MBD5: variants seen among roughly 807,000 people sequenced by gnomAD.
The protein encoded by MBD5 is methyl-CpG binding domain protein 5.
MBD5 carries 13 observed loss-of-function variants against 117.3 expected under a neutral mutation model. The observed-to-expected ratio is 0.11, with a 90% confidence interval of 0.07 to 0.18. The LOEUF is 0.18. Among genes scored for constraint, MBD5 ranks in the 10% least tolerant of loss-of-function variants. The probability of loss-of-function intolerance (pLI) is 1.00; values close to 1 mark genes in which losing one functional copy is unlikely to be tolerated. For synonymous variants in MBD5, 727 were observed against 766.4 expected, an observed-to-expected ratio of 0.95 and a Z score of 0.85; for missense variants, 1,879 against 2,093.8, an observed-to-expected ratio of 0.90 and a Z score of 2.00.
intron 1 of MBD5, among the ~76,000 whole-genome samples, chr2:148,103,835 A>G (rs983474393): frequency 3.3e-5 from 5 of 152,198 alleles, no homozygotes; most frequent in Non-Finnish European, 5.9e-5. Context: ...ATTTAAAAAT[A>G]TTATATAATT....
chr2:148,474,869 A>T (rs780035418), intron 8 of MBD5, among the ~76,000 whole-genome samples: 3 of 152,178 alleles, frequency 2.0e-5, no homozygotes, highest in African/African-American at 4.8e-5. Context: ...CTACAAAGTA[A>T]TGAGTTTGGT....
intron 2 of MBD5, among the ~76,000 whole-genome samples, chr2:148,194,980 A>T (rs1362420962): frequency 6.6e-6 from 1 of 152,194 alleles, no homozygotes; most frequent in East Asian, 1.9e-4. Flanking sequence ...AAAAGGACAC[A>T]TTATAACTAT....
chr2:148,231,155 C>T (rs908755332), intron 2 of MBD5, among the ~76,000 whole-genome samples: 3 of 149,724 alleles, frequency 2.0e-5, no homozygotes, highest in Non-Finnish European at 4.5e-5. Flanking sequence ...GCCTAGCCTG[C>T]CTTTCCAGTT....
chr2:148,347,859 C>G (rs1318393176), intron 4 of MBD5, among the ~76,000 whole-genome samples: 1 of 151,756 alleles, frequency 6.6e-6, no homozygotes, highest in African/African-American at 2.4e-5. Flanking sequence ...ACCTAGGGCC[C>G]ATAAAAATGA....
In MBD5 at chr2:148,182,556, G is replaced by A. The variant is rs1033246542; in HGVS notation, c.-831+3763G>A. Among the ~76,000 whole-genome samples, 8 of 152,296 alleles carry A rather than the reference G, an allele frequency of 5.3e-5. No homozygotes were observed. In the South Asian group the frequency reaches 1.5e-3, roughly 28 times the overall value. On this transcript the variant is annotated intron_variant, in intron 2 of 13. Coordinates refer to ENST00000642680, the MANE Select transcript of MBD5 (RefSeq NM_001378120.1). ...ACACTAGCCTTCTAAAATGAGATGT[G>A]CATGTTTGCTCCTTTTAAGAAAGGA...
chr2:148,255,189 C>T (rs1241238069), intron 3 of MBD5, among the ~76,000 whole-genome samples: 1 of 152,196 alleles, frequency 6.6e-6, no homozygotes. Context: ...GTCCCTCAGG[C>T]AACATAGAAG....
chr2:148,410,411 G>A lies in MBD5; in HGVS notation c.-556-47792G>A, dbSNP rs149398231. Among the ~76,000 whole-genome samples the A allele has an allele frequency of 2.6e-5, 4 of 152,106 alleles. No individual in the cohort carries two copies. In the East Asian group the frequency reaches 7.7e-4, roughly 29 times the overall value. On this transcript the variant is annotated intron_variant, in intron 4 of 13. Coordinates refer to ENST00000642680, the MANE Select transcript of MBD5 (RefSeq NM_001378120.1). ...ATCTTTTTCTTATTGGTTTGTAGGT[G>A]TTCTTTATACATTCTGGATATTATT...
chr2:148,077,571 G>C (rs1210909283), intron 1 of MBD5, among the ~76,000 whole-genome samples: 1 of 152,298 alleles, frequency 6.6e-6, no homozygotes, highest in East Asian at 1.9e-4. Flanking sequence ...CGGAGTAAGA[G>C]ACTGTGGTTC....
At chr2:148,026,635 A>G (rs529025048) in intron 1 of MBD5, 2 of 152,178 alleles carry the variant, frequency 1.3e-5, no homozygotes, top group Non-Finnish European at 2.9e-5. Flanking sequence ...AAAATAAAAA[A>G]TAAGGTCAGG....
chr2:148,245,510 T>C (rs1479375913), intron 3 of MBD5, among the ~76,000 whole-genome samples: 1 of 152,122 alleles, frequency 6.6e-6, no homozygotes, highest in East Asian at 1.9e-4. Flanking sequence ...AGTGGGAAGA[T>C]GGGTTGAGCC....
chr2:148,206,451 T>G (rs981042991), intron 2 of MBD5, among the ~76,000 whole-genome samples: 1 of 152,200 alleles, frequency 6.6e-6, no homozygotes, highest in Non-Finnish European at 1.5e-5. Flanking sequence ...CCTCAAATGT[T>G]TACCATTTCT....
intron 1 of MBD5, among the ~76,000 whole-genome samples, chr2:148,152,387 G>C (rs1194070675): frequency 6.6e-6 from 1 of 152,150 alleles, no homozygotes; most frequent in East Asian, 1.9e-4. Flanking sequence ...AATAGGTGTG[G>C]TGCGGTGCTG....
intron 1 of MBD5, among the ~76,000 whole-genome samples, chr2:148,110,987 A>AT (rs1558930008): frequency 6.6e-6 from 1 of 151,914 alleles, no homozygotes; most frequent in East Asian, 1.9e-4. Context: ...TTATTTTAAA[A>AT]TTTTTTTGAA....
intron 1 of MBD5, among the ~76,000 whole-genome samples, chr2:148,043,471 A>ATAAG (rs1694429646): frequency 1.3e-5 from 2 of 151,256 alleles, no homozygotes; most frequent in South Asian, 4.2e-4. Flanking sequence ...AAATAAATAA[A>ATAAG]TAAATAAATA....
chr2:148,070,444 A>G (rs531959101), intron 1 of MBD5, among the ~76,000 whole-genome samples: 6 of 152,294 alleles, frequency 3.9e-5, no homozygotes, highest in Admixed American at 2.6e-4. Context: ...ATAAATCATT[A>G]AGAGAGCCAC....
At chr2:148,113,071 C>T in intron 1 of MBD5, among the ~76,000 whole-genome samples, 1 of 152,198 alleles carries the variant, frequency 6.6e-6, no homozygotes, top group East Asian at 1.9e-4. Context: ...ATTACTTCTA[C>T]TTTAGCGTAC....
intron 4 of MBD5, among the ~76,000 whole-genome samples, chr2:148,368,275 A>G (rs554412116): frequency 1.4e-4 from 22 of 152,244 alleles, no homozygotes; most frequent in African/African-American, 5.1e-4. Context: ...GAACCGTACA[A>G]TGAGAACATA....
At chr2:148,330,226 T>G (rs1702608142) in intron 3 of MBD5, among the ~76,000 whole-genome samples, 1 of 151,974 alleles carries the variant, frequency 6.6e-6, no homozygotes, top group Admixed American at 6.6e-5. Flanking sequence ...CATTTTTAAC[T>G]CCAGTCTTGG....
At chr2:148,314,672 T>G (rs1343213657) in intron 3 of MBD5, among the ~76,000 whole-genome samples, 1 of 151,976 alleles carries the variant, frequency 6.6e-6, no homozygotes, top group Non-Finnish European at 1.5e-5. Flanking sequence ...TCCAGCGCAT[T>G]CAGGGTGGTA....
Sources: gnomAD v4.1 joint callset for allele counts (sites outside exome capture counted in the v4.1 genomes callset) on GRCh38, gnomAD v4.1.1 for gene constraint, MANE v1.5 for transcripts, NCBI Gene and HGNC (gene_info 2026-07-23, HGNC 2026-07-21) for gene names.